The following BTRC variants were observed in gnomAD, a reference collection of about 807,000 sequenced individuals.
The protein encoded by BTRC is F-box/WD repeat-containing protein 1A.
Under a neutral mutation model 85.5 loss-of-function variants are expected in BTRC, and 42 were observed. The observed-to-expected ratio is 0.49, with a 90% CI of 0.38 to 0.64. The LOEUF is 0.64. Among genes scored for constraint, BTRC ranks in the 30% least tolerant of loss-of-function variants. The pLI, the probability that BTRC is intolerant of heterozygous loss-of-function variation, is 0.00. For missense variants in BTRC, 594 were observed against 743.5 expected (o/e 0.80, Z 2.34); for synonymous variants, 255 against 263.3 (o/e 0.97, Z 0.30).
chr10:101,462,052 TAGAC>T lies in BTRC; in HGVS notation c.231_234del (p.Gln78HisfsTer10), dbSNP rs775187144. 5 of 1,608,498 alleles carry T rather than the reference TAGAC, an allele frequency of 3.1e-6. No individual in the cohort carries two copies. Among genetic ancestry groups the T allele is most frequent in the East Asian group, 2.2e-5 (1 of 44,778 alleles). Reference sequence around the variant, plus strand: ...AGATAATACCAGAGAAGAATTCACTTAGACAGGTATGAAATTCAGCCTTACTTAA... The same window carrying T: ...AGATAATACCAGAGAAGAATTCACTTAGGTATGAAATTCAGCCTTACTTAA... On this transcript the variant is annotated frameshift_variant and splice_region_variant, in exon 3 of 15. Transcript: ENST00000370187. LOFTEE classifies it high-confidence loss of function.
At position 101,515,116 on chromosome 10, in the gene BTRC, C is replaced by T. The variant is rs150989383; in HGVS notation, c.325-6523C>T. 1.4e-4 allele frequency among the ~76,000 whole-genome samples: 21 copies of T among 151,986 alleles called. No homozygotes were observed. In the East Asian group the frequency reaches 3.7e-3, roughly 27 times the overall value. ...GATTACAGGCATGCACCACCACACC[C>T]GGCAAATTTTTGTATTTTTAGTAGA... On this transcript the variant is annotated intron_variant, in intron 4 of 14. Transcript: ENST00000370187.
intron 4 of BTRC, among the ~76,000 whole-genome samples, chr10:101,492,085 A>G (rs574041054): frequency 2.6e-5 from 4 of 152,332 alleles, no homozygotes; most frequent in Middle Eastern, 3.4e-3. Flanking sequence ...CACTTGCTCA[A>G]CATGGAGCAC....
intron 2 of BTRC, among the ~76,000 whole-genome samples, chr10:101,454,651 G>A (rs907533953): frequency 1.6e-4 from 24 of 152,032 alleles, no homozygotes; most frequent in African/African-American, 5.6e-4. Context: ...GTGTAGTGGC[G>A]TATACCTGTA....
At chr10:101,361,776 T>C (rs1190089420) in intron 1 of BTRC, among the ~76,000 whole-genome samples, 1 of 152,152 alleles carries the variant, frequency 6.6e-6, no homozygotes, top group African/African-American at 2.4e-5. Flanking sequence ...GATAAACAAG[T>C]GAAAAAGATA....
chr10:101,520,180 G>A (rs1564821843), intron 4 of BTRC, among the ~76,000 whole-genome samples: 1 of 151,980 alleles, frequency 6.6e-6, no homozygotes, highest in African/African-American at 2.4e-5. Context: ...GTCTCGCCCT[G>A]TTGCCCAGGC....
In BTRC at chr10:101,425,124, A is replaced by G. The variant is rs186860935; in HGVS notation, c.49-5221A>G. ...GCTGCATCCATGTTCTGCAGAGGAC[A>G]TGATTTCATTATTTTTTATGGCTAC... On this transcript the variant is annotated intron_variant, in intron 1 of 14. Coordinates refer to ENST00000370187, the MANE Select transcript of BTRC (RefSeq NM_033637.4). Among the ~76,000 whole-genome samples, 322 of 152,290 alleles carry G rather than the reference A, an allele frequency of 2.1e-3. 3 individuals carry two copies. The highest frequency in any genetic ancestry group is 7.2e-3 in the African/African-American group (299 of 41,564).
At chr10:101,438,251 C>A (rs1944583087) in intron 2 of BTRC, among the ~76,000 whole-genome samples, 2 of 151,412 alleles carry the variant, frequency 1.3e-5, no homozygotes, top group Admixed American at 1.3e-4. Context: ...GCGGTGAAAC[C>A]CCGTCTTTAC....
chr10:101,423,869 T>C (rs1381843507), intron 1 of BTRC, among the ~76,000 whole-genome samples: 1 of 152,224 alleles, frequency 6.6e-6, no homozygotes, highest in Non-Finnish European at 1.5e-5. Flanking sequence ...CAAGTGGCAT[T>C]CACAGAAGCC....
At chr10:101,428,537 A>G (rs890978591) in intron 1 of BTRC, among the ~76,000 whole-genome samples, 1 of 152,162 alleles carries the variant, frequency 6.6e-6, no homozygotes, top group African/African-American at 2.4e-5. Context: ...TTTAGCAGAT[A>G]CCCTTCTTTT....
intron 13 of BTRC, 47 bp from the exon 14 acceptor site, chr10:101,550,652 A>C: frequency 6.3e-7 from 1 of 1,576,708 alleles, no homozygotes; most frequent in Non-Finnish European, 8.7e-7. Flanking sequence ...TGTCCTATTG[A>C]TTTTGAGTAG....
In BTRC at chr10:101,358,007, A is replaced by C. The variant is rs377664597; in HGVS notation, c.48+3779A>C. Among the ~76,000 whole-genome samples the C allele has an allele frequency of 2.6e-5, 4 of 152,198 alleles. No homozygotes were observed. In the East Asian group the frequency reaches 5.8e-4, roughly 22 times the overall value. ...TGAAGAGAACCTAAGAAGAGAAATG[A>C]AAATGATTGAGGGAATATAGACCCC... On this transcript the variant is annotated intron_variant, in intron 1 of 14. Coordinates refer to ENST00000370187, the MANE Select transcript of BTRC (RefSeq NM_033637.4).
chr10:101,435,352 C>T (rs1299454740), intron 2 of BTRC, among the ~76,000 whole-genome samples: 1 of 152,086 alleles, frequency 6.6e-6, no homozygotes, highest in Non-Finnish European at 1.5e-5. Context: ...TACTCCTTTC[C>T]AGTCTGTACC....
intron 4 of BTRC, among the ~76,000 whole-genome samples, chr10:101,504,355 G>A (rs540298450): frequency 1.3e-5 from 2 of 152,254 alleles, no homozygotes; most frequent in East Asian, 3.9e-4. Context: ...AGGTGAGCTT[G>A]GTAATGCTGG....
intron 5 of BTRC, among the ~76,000 whole-genome samples, chr10:101,525,654 A>T (rs559652923): frequency 2.6e-5 from 4 of 152,294 alleles, no homozygotes; most frequent in African/African-American, 9.6e-5. Flanking sequence ...GGTCTGAATC[A>T]TAGAGTTTGA....
At chr10:101,416,364 T>C (rs78385718) in intron 1 of BTRC, among the ~76,000 whole-genome samples, 2 of 152,332 alleles carry the variant, frequency 1.3e-5, no homozygotes, top group East Asian at 3.9e-4. Context: ...GCTTCGTAAT[T>C]ATTCATTGAG....
intron 1 of BTRC, among the ~76,000 whole-genome samples, chr10:101,378,463 A>C (rs562980934): frequency 5.6e-4 from 84 of 150,804 alleles, no homozygotes; most frequent in Non-Finnish European, 1.1e-3. Context: ...GGTGTTAGTC[A>C]TGTCAGTACT....
chr10:101,378,750 C>G (rs959047908), intron 1 of BTRC, among the ~76,000 whole-genome samples: 1 of 151,786 alleles, frequency 6.6e-6, no homozygotes, highest in Non-Finnish European at 1.5e-5. Flanking sequence ...GTCTCGAACT[C>G]CCAACCTCAA....
Position 101,553,398 on chromosome 10 carries a change from C to T in BTRC, c.*275C>T, listed in dbSNP as rs995485836. On this transcript the variant is annotated 3_prime_UTR_variant, in exon 15 of 15. Transcript: ENST00000370187. ...AATGATTGGAACTTTTAAACCTCCC[C>T]TCCTCTCCTCCTTTCACCTCTGCAC... 1 of 152,672 alleles carries T rather than the reference C, an allele frequency of 6.5e-6. No individual in the cohort carries two copies. Among genetic ancestry groups the T allele is most frequent in the East Asian group, 1.9e-4 (1 of 5,204 alleles). The allele number at this position is 152,672 out of a possible 1,614,324, so 9.5% of individuals were successfully genotyped here. A position where few individuals can be genotyped will look rare whatever the true frequency, so the allele number is the denominator to read the frequency against.
At chr10:101,526,259 T>C in intron 6 of BTRC, 60 bp downstream of exon 6, 1 of 1,505,078 alleles carries the variant, frequency 6.6e-7, no homozygotes, top group Non-Finnish European at 9.0e-7. Context: ...TCACAGTCAC[T>C]GAAAGATTTT....
Sources: gnomAD v4.1 joint callset for allele counts (sites outside exome capture counted in the v4.1 genomes callset) on GRCh38, gnomAD v4.1.1 for gene constraint, MANE v1.5 for transcripts, NCBI Gene and HGNC (gene_info 2026-07-23, HGNC 2026-07-21) for gene names.